The following DIP2C variants were observed in gnomAD, a reference collection of about 807,000 sequenced individuals.
The protein encoded by DIP2C is DIP2 acetate--CoA ligase C (putative).
Under a neutral mutation model 192.4 loss-of-function variants are expected in DIP2C, and 33 were observed. That is an observed-to-expected ratio of 0.17 (90% CI 0.13 to 0.23). The LOEUF (loss-of-function observed/expected upper bound fraction) is 0.23, where lower values mean the gene tolerates loss of function less well. DIP2C is among the 10% of genes least tolerant of loss of function. DIP2C has a pLI of 1.00. For synonymous variants in DIP2C, 979 were observed against 864.1 expected (o/e 1.13, Z -2.33); for missense variants, 1,537 against 2,110.1 (o/e 0.73, Z 5.32).
chr10:670,392 G>A (rs1272500299), intron 1 of DIP2C, among the ~76,000 whole-genome samples: 8 of 151,960 alleles, frequency 5.3e-5, no homozygotes, highest in East Asian at 1.9e-4. Flanking sequence ...ATGTGTACAC[G>A]CATACGTAAG....
rs539334149 is a variant in DIP2C at position 685,255 on chromosome 10, G to A, written c.85+4239C>T. Among the ~76,000 whole-genome samples, 47 of 148,350 alleles carry A rather than the reference G, an allele frequency of 3.2e-4. 2 individuals are homozygous for A. The highest frequency in any genetic ancestry group is 4.0e-4 in the African/African-American group (16 of 39,548). The stretch of plus-strand genomic sequence containing the variant: ...CAACCAACACAGGAAGACCTGGCAC[G>A]TGCGCGAGCCTTCACCTCCCTCTGC... On this transcript the variant is annotated intron_variant, in intron 1 of 36. Coordinates refer to ENST00000280886, the MANE Select transcript of DIP2C (RefSeq NM_014974.3).
chr10:674,789 T>TATATATATATATATATATAGAG, intron 1 of DIP2C, among the ~76,000 whole-genome samples: 16 of 62,476 alleles, frequency 2.6e-4, no homozygotes, highest in East Asian at 1.1e-3. Context: ...TATATATATA[T>TATATATATATATATATATAGAG]AGAGAGAGAG....
intron 1 of DIP2C, among the ~76,000 whole-genome samples, chr10:488,750 T>C (rs951592130): frequency 5.3e-5 from 8 of 152,212 alleles, no homozygotes; most frequent in Non-Finnish European, 1.2e-4. Flanking sequence ...ACGCTGTAGC[T>C]TGCGTGATGT....
At chr10:579,544 A>G (rs911035716) in intron 1 of DIP2C, among the ~76,000 whole-genome samples, 3 of 152,124 alleles carry the variant, frequency 2.0e-5, no homozygotes, top group African/African-American at 7.2e-5. Context: ...AGATCCATAA[A>G]GTGTACATAC....
intron 32 of DIP2C, among the ~76,000 whole-genome samples, chr10:300,571 T>A (rs1365216472): frequency 6.6e-6 from 1 of 151,858 alleles, no homozygotes; most frequent in Middle Eastern, 3.4e-3. Context: ...CCTGCGTGTG[T>A]GGAGAAACCG....
intron 1 of DIP2C, among the ~76,000 whole-genome samples, chr10:618,016 G>A (rs755211346): frequency 2.6e-4 from 40 of 152,296 alleles, no homozygotes; most frequent in Non-Finnish European, 3.4e-4. Flanking sequence ...AGCATCCCAG[G>A]ACCCAGTACT....
At chr10:505,828 C>A (rs1588328010) in intron 1 of DIP2C, among the ~76,000 whole-genome samples, 1 of 152,258 alleles carries the variant, frequency 6.6e-6, no homozygotes, top group East Asian at 1.9e-4. Flanking sequence ...GACCACCTGC[C>A]CAGCCATATT....
chr10:360,549 G>C (rs923438966), intron 22 of DIP2C, among the ~76,000 whole-genome samples: 1 of 152,228 alleles, frequency 6.6e-6, no homozygotes, highest in African/African-American at 2.4e-5. Context: ...TTATCTCAAA[G>C]ACAGCAGCGA....
intron 1 of DIP2C, among the ~76,000 whole-genome samples, chr10:603,164 T>C (rs1852207046): frequency 6.6e-6 from 1 of 151,714 alleles, no homozygotes; most frequent in African/African-American, 2.4e-5. Flanking sequence ...ACTAAGTATA[T>C]AAAACAGGAA....
At chr10:390,962 C>CA (rs1472336452) in intron 10 of DIP2C, 99 bp from the exon 11 acceptor site, 1 of 1,513,978 alleles carries the variant, frequency 6.6e-7, no homozygotes, top group African/African-American at 1.4e-5. Context: ...CTCGAGTCTG[C>CA]AGAACCAGGA....
chr10:414,741 A>G (rs11252281), intron 7 of DIP2C, among the ~76,000 whole-genome samples: 34,364 of 62,540 alleles, frequency 0.55, 7,239 homozygotes, highest in Admixed American at 0.59. Flanking sequence ...GTGTGTGTGT[A>G]CATATATATA....
chr10:277,706 C>T, intron 36 of DIP2C, 129 bp from the exon 37 acceptor site: 1 of 1,268,926 alleles, frequency 7.9e-7, no homozygotes, highest in Non-Finnish European at 1.1e-6. Flanking sequence ...TCCGGCCTCT[C>T]CACGTCCTCC....
intron 1 of DIP2C, among the ~76,000 whole-genome samples, chr10:674,505 CACA>C (rs1423581326): frequency 6.6e-6 from 1 of 151,946 alleles, no homozygotes; most frequent in African/African-American, 2.4e-5. Context: ...TGCAGTGCCT[CACA>C]CCTGTAATCC....
At chr10:420,787 TGA>T (rs1190450695) in intron 5 of DIP2C, among the ~76,000 whole-genome samples, 5 of 152,208 alleles carry the variant, frequency 3.3e-5, no homozygotes, top group Admixed American at 2.0e-4. Flanking sequence ...TGGCCAGCTC[TGA>T]GAGACTCCGT....
In DIP2C at chr10:541,250, T is replaced by C. The variant is rs370066001; in HGVS notation, c.86-54720A>G. ...CCGCCGACATCCACTCTGGCTGAGGTGTCCTCTGTCACAGACACACACACC... is the reference window on the plus strand; with the variant it reads ...CCGCCGACATCCACTCTGGCTGAGGCGTCCTCTGTCACAGACACACACACC... On this transcript the variant is annotated intron_variant, in intron 1 of 36. Coordinates refer to ENST00000280886, the MANE Select transcript of DIP2C (RefSeq NM_014974.3). 1.7e-4 allele frequency among the ~76,000 whole-genome samples: 26 copies of C among 152,212 alleles called. No homozygotes were observed. The East Asian group carries it at 4.8e-3, about 28-fold the overall frequency.
At chr10:677,523 C>A (rs1830916876) in intron 1 of DIP2C, among the ~76,000 whole-genome samples, 1 of 152,170 alleles carries the variant, frequency 6.6e-6, no homozygotes, top group African/African-American at 2.4e-5. Context: ...ACTTAAGAAT[C>A]CAGCATGATG....
Position 364,595 on chromosome 10 carries a change from G to C in DIP2C, c.2269-13C>G. ...TCATGGGAAACACCTGGGGGAAACA[G>C]CATCCATCAGGCCACTGTTCATGTG... On this transcript the variant is annotated splice_polypyrimidine_tract_variant and intron_variant, in intron 19 of 36. Transcript: ENST00000280886. The C allele has an allele frequency of 1.2e-6, 2 of 1,611,918 alleles. No homozygotes were observed. Among genetic ancestry groups the C allele is most frequent in the Non-Finnish European group, 1.7e-6 (2 of 1,178,278 alleles).
intron 31 of DIP2C, chr10:324,934 TCTC>T (rs770784179): frequency 3.8e-6 from 2 of 533,014 alleles, no homozygotes; most frequent in African/African-American, 1.9e-5. Flanking sequence ...TATTTTATCT[TCTC>T]CTACTGAGCG....
In DIP2C at chr10:352,561, G is replaced by A. The variant is rs114017527; in HGVS notation, c.2986-3107C>T. 5.7e-3 allele frequency among the ~76,000 whole-genome samples: 865 copies of A among 152,308 alleles called. 9 individuals are homozygous for A. The highest frequency in any genetic ancestry group is 0.019 in the African/African-American group (793 of 41,566). ...AGTGCTGTGCTGGAGACAGGCACAC[G>A]ATTTCACAGCCGGTCGGACATGAGC... On this transcript the variant is annotated intron_variant, in intron 24 of 36. Coordinates refer to ENST00000280886, the MANE Select transcript of DIP2C (RefSeq NM_014974.3).
Sources: allele counts gnomAD v4.1 joint callset (sites outside exome capture counted in the v4.1 genomes callset), GRCh38; gene constraint gnomAD v4.1.1; transcripts MANE v1.5; gene names NCBI Gene and HGNC (gene_info 2026-07-23, HGNC 2026-07-21).